ERBB4: variants seen among roughly 807,000 people sequenced by gnomAD.
ERBB4 encodes erb-b2 receptor tyrosine kinase 4, also known as receptor tyrosine-protein kinase erbB-4.
In ERBB4, 42 loss-of-function variants were observed where a neutral mutation model predicts 158.0. That is an observed-to-expected ratio of 0.27 (90% CI 0.21 to 0.34). The LOEUF (loss-of-function observed/expected upper bound fraction) is 0.34, where lower values mean the gene tolerates loss of function less well. Among genes scored for constraint, ERBB4 ranks in the 10% least tolerant of loss-of-function variants. The probability of loss-of-function intolerance (pLI) is 1.00; values close to 1 mark genes in which losing one functional copy is unlikely to be tolerated. For synonymous variants in ERBB4, 583 were observed against 558.7 expected (o/e 1.04, Z -0.61); for missense variants, 1,333 against 1,624.1 (o/e 0.82, Z 3.08).
intron 19 of ERBB4, among the ~76,000 whole-genome samples, chr2:211,579,509 C>T (rs555321955): frequency 2.6e-5 from 4 of 151,960 alleles, no homozygotes; most frequent in South Asian, 2.1e-4. Context: ...CTATGTTGAC[C>T]GCAGCACTAC....
At chr2:212,344,566 A>G (rs1344658057) in intron 1 of ERBB4, among the ~76,000 whole-genome samples, 1 of 151,848 alleles carries the variant, frequency 6.6e-6, no homozygotes, top group South Asian at 2.1e-4. Flanking sequence ...AAGCAAGTGG[A>G]AGAAATCCTA....
chr2:212,495,903 G>A (rs1158840514), intron 1 of ERBB4, among the ~76,000 whole-genome samples: 8 of 152,040 alleles, frequency 5.3e-5, no homozygotes, highest in Admixed American at 3.9e-4. Flanking sequence ...TACTTACTTT[G>A]CTGATTCTCC....
chr2:212,222,563 C>G (rs1350548862), intron 1 of ERBB4, among the ~76,000 whole-genome samples: 1 of 151,320 alleles, frequency 6.6e-6, no homozygotes, highest in African/African-American at 2.4e-5. Context: ...AACACAAACA[C>G]TCTTCTTAAT....
At position 212,142,377 on chromosome 2, in the gene ERBB4, C is replaced by T. The variant is rs563745526; in HGVS notation, c.83-17474G>A. On this transcript the variant is annotated intron_variant, in intron 1 of 27. Transcript: ENST00000342788. ...ATGGATGGATGGATGGATGGATGGA[C>T]GCATAAATGAATGACTGTTGATATT... Among the ~76,000 whole-genome samples, 23 of 150,568 alleles carry T rather than the reference C, an allele frequency of 1.5e-4. No homozygotes were observed. The South Asian group carries it at 2.1e-3, about 14-fold the overall frequency.
At chr2:212,277,581 C>T (rs1389243012) in intron 1 of ERBB4, among the ~76,000 whole-genome samples, 1 of 151,698 alleles carries the variant, frequency 6.6e-6, no homozygotes, top group Non-Finnish European at 1.5e-5. Context: ...TTCTTCAGGT[C>T]TCAGCTCATA....
chr2:211,562,222 A>T, intron 19 of ERBB4, 134 bp from the exon 20 acceptor site: 1 of 742,934 alleles, frequency 1.3e-6, no homozygotes, highest in South Asian at 1.6e-5. Flanking sequence ...AAATGAAAAG[A>T]CATAATTTCA....
intron 1 of ERBB4, among the ~76,000 whole-genome samples, chr2:212,486,740 G>C (rs1690003207): frequency 1.3e-5 from 2 of 152,150 alleles, no homozygotes; most frequent in Admixed American, 1.3e-4. Context: ...AAACACAACA[G>C]AGTGAAATCC....
At chr2:212,526,887 C>T (rs1382838782) in intron 1 of ERBB4, among the ~76,000 whole-genome samples, 10 of 151,970 alleles carry the variant, frequency 6.6e-5, no homozygotes, top group South Asian at 2.1e-4. Flanking sequence ...TCAGAGTAAA[C>T]GTGTATTTGT....
rs2072515783 is a variant in ERBB4, at chr2:211,685,227, T to A, written c.1490-6043A>T. Among the ~76,000 whole-genome samples the A allele has an allele frequency of 2.0e-5, 3 of 152,238 alleles. No individual in the cohort carries two copies. The South Asian group carries it at 6.2e-4, about 31-fold the overall frequency. ...CTAACTCTAAATCCCTAATGATTTC[T>A]CCATTTTTTACCTCAAAATTTTATA... On this transcript the variant is annotated intron_variant, in intron 12 of 27. Transcript: ENST00000342788.
chr2:212,238,086 C>G (rs1279633221), intron 1 of ERBB4, among the ~76,000 whole-genome samples: 2 of 152,174 alleles, frequency 1.3e-5, no homozygotes, highest in Non-Finnish European at 2.9e-5. Context: ...GAGGAGTAAA[C>G]GGTTCTGTCT....
chr2:211,658,266 C>A (rs991753334), intron 15 of ERBB4, among the ~76,000 whole-genome samples: 1 of 152,144 alleles, frequency 6.6e-6, no homozygotes, highest in East Asian at 1.9e-4. Flanking sequence ...ACTTCTAATA[C>A]TTTGAACTGA....
chr2:212,518,608 CT>C (rs1332050939), intron 1 of ERBB4, among the ~76,000 whole-genome samples: 5 of 151,966 alleles, frequency 3.3e-5, no homozygotes, highest in Non-Finnish European at 5.9e-5. Context: ...CCACAAGCCC[CT>C]ATTAGAAAAA....
At chr2:212,368,921 T>C (rs1425641674) in intron 1 of ERBB4, among the ~76,000 whole-genome samples, 1 of 152,110 alleles carries the variant, frequency 6.6e-6, no homozygotes, top group Non-Finnish European at 1.5e-5. Context: ...ACCAGCAGCA[T>C]TGACATCCCC....
At chr2:211,515,460 T>C (rs899767820) in intron 20 of ERBB4, among the ~76,000 whole-genome samples, 2 of 152,080 alleles carry the variant, frequency 1.3e-5, no homozygotes, top group African/African-American at 4.8e-5. Context: ...GATTTCTGAC[T>C]TGCAAGTCTG....
chr2:212,407,865 C>T (rs1177328435), intron 1 of ERBB4, among the ~76,000 whole-genome samples: 1 of 151,794 alleles, frequency 6.6e-6, no homozygotes, highest in African/African-American at 2.4e-5. Context: ...AGTAGATATG[C>T]TTTGTATTGA....
intron 18 of ERBB4, among the ~76,000 whole-genome samples, 163 bp from the exon 19 acceptor site, chr2:211,619,438 C>T (rs1574867560): frequency 1.3e-5 from 2 of 152,126 alleles, no homozygotes; most frequent in East Asian, 3.8e-4. Flanking sequence ...CTTTCATTAT[C>T]TGAGGATGTT....
At chr2:212,487,071 A>T (rs1178263602) in intron 1 of ERBB4, among the ~76,000 whole-genome samples, 1 of 152,090 alleles carries the variant, frequency 6.6e-6, no homozygotes, top group Non-Finnish European at 1.5e-5. Context: ...GCATTTTTTT[A>T]AAATACCATG....
intron 3 of ERBB4, among the ~76,000 whole-genome samples, chr2:211,855,433 C>T (rs1048103013): frequency 2.6e-5 from 4 of 152,044 alleles, no homozygotes; most frequent in Non-Finnish European, 5.9e-5. Context: ...AAAATATTCT[C>T]GTTTTCCTCT....
chr2:211,738,553 G>C (rs1033540810), intron 5 of ERBB4, among the ~76,000 whole-genome samples: 1 of 151,858 alleles, frequency 6.6e-6, no homozygotes, highest in Non-Finnish European at 1.5e-5. Flanking sequence ...TGTATTTTTA[G>C]TAGAGACAGG....
Sources: allele counts gnomAD v4.1 joint callset (sites outside exome capture counted in the v4.1 genomes callset), GRCh38; gene constraint gnomAD v4.1.1; transcripts MANE v1.5; gene names NCBI Gene and HGNC (gene_info 2026-07-23, HGNC 2026-07-21).